CACNA1E: variants seen among roughly 807,000 people sequenced by gnomAD.
The protein encoded by CACNA1E is voltage-dependent R-type calcium channel subunit alpha-1E.
In CACNA1E, 40 loss-of-function variants were observed where a neutral mutation model predicts 259.2. The ratio of observed to expected loss-of-function variants is 0.15; its 90% CI spans 0.12 to 0.20. The LOEUF is 0.20. Among genes scored for constraint, CACNA1E ranks in the 10% least tolerant of loss-of-function variants. The pLI is 1.00. For synonymous variants in CACNA1E, 1,104 were observed against 1,138.5 expected (o/e 0.97, Z 0.61); for missense variants, 1,874 against 3,040.1 (o/e 0.62, Z 9.02).
At chr1:181,387,191 G>A (rs1191594094) in intron 1 of CACNA1E, among the ~76,000 whole-genome samples, 2 of 152,112 alleles carry the variant, frequency 1.3e-5, no homozygotes, top group African/African-American at 2.4e-5. Context: ...TTTCTGTGCT[G>A]TGAGTGGGGT....
At chr1:181,566,459 C>G (rs558258356) in intron 3 of CACNA1E, among the ~76,000 whole-genome samples, 1 of 152,310 alleles carries the variant, frequency 6.6e-6, no homozygotes, top group East Asian at 1.9e-4. Context: ...CTAGCTGTGT[C>G]TGAGTGAATA....
intron 25 of CACNA1E, among the ~76,000 whole-genome samples, chr1:181,743,598 T>G (rs1465772583): frequency 1.3e-5 from 2 of 152,154 alleles, no homozygotes; most frequent in Non-Finnish European, 1.5e-5. Context: ...GTGTTTCATG[T>G]CTAGTGAAGT....
At chr1:181,464,009 A>G (rs969971941) in intron 2 of CACNA1E, among the ~76,000 whole-genome samples, 1 of 151,888 alleles carries the variant, frequency 6.6e-6, no homozygotes, top group African/African-American at 2.4e-5. Context: ...AATTTTATCT[A>G]TTTTTTCTCT....
chr1:181,688,731 T>G (rs1030640734), intron 7 of CACNA1E, among the ~76,000 whole-genome samples: 1 of 152,318 alleles, frequency 6.6e-6, no homozygotes, highest in Non-Finnish European at 1.5e-5. Flanking sequence ...CCATGCTATA[T>G]AATAGACCTC....
At chr1:181,693,918 GT>G (rs1651450559) in intron 7 of CACNA1E, among the ~76,000 whole-genome samples, 1 of 152,136 alleles carries the variant, frequency 6.6e-6, no homozygotes, top group Non-Finnish European at 1.5e-5. Context: ...AGGCCACATT[GT>G]TTTACCAGTC....
chr1:181,747,337 A>G (rs975475458), intron 25 of CACNA1E, among the ~76,000 whole-genome samples: 17 of 152,388 alleles, frequency 1.1e-4, no homozygotes, highest in Admixed American at 4.6e-4. Flanking sequence ...TGGGAGGTGA[A>G]GAGCGGGATT....
intron 3 of CACNA1E, among the ~76,000 whole-genome samples, chr1:181,539,852 T>C (rs1668450211): frequency 1.3e-5 from 2 of 152,218 alleles, no homozygotes; most frequent in South Asian, 4.1e-4. Flanking sequence ...AGTGGCCACA[T>C]GTAAAAGTGG....
chr1:181,661,636 G>T (rs1450220646), intron 7 of CACNA1E, among the ~76,000 whole-genome samples: 2 of 152,204 alleles, frequency 1.3e-5, no homozygotes, highest in South Asian at 2.1e-4. Flanking sequence ...CACAGGAGTA[G>T]AGTAGGGTTT....
intron 1 of CACNA1E, among the ~76,000 whole-genome samples, chr1:181,320,937 C>T (rs2102558031): frequency 6.6e-6 from 1 of 152,246 alleles, no homozygotes; most frequent in South Asian, 2.1e-4. Context: ...TATGGCTCTG[C>T]AGGCTGTACA....
At chr1:181,461,669 T>C (rs1487710697) in intron 2 of CACNA1E, among the ~76,000 whole-genome samples, 1 of 152,180 alleles carries the variant, frequency 6.6e-6, no homozygotes, top group African/African-American at 2.4e-5. Flanking sequence ...TGCTGTCTTC[T>C]TCACTTGCTC....
chr1:181,490,543 G>GGTTT (rs1553260168), intron 1 of CACNA1E, among the ~76,000 whole-genome samples: 1 of 125,316 alleles, frequency 8.0e-6, no homozygotes, highest in African/African-American at 3.1e-5. Flanking sequence ...TGCCAAGCAT[G>GGTTT]TTTTTTTTTT....
At chr1:181,596,942 G>T (rs1277432737) in intron 6 of CACNA1E, among the ~76,000 whole-genome samples, 1 of 152,080 alleles carries the variant, frequency 6.6e-6, no homozygotes, top group Non-Finnish European at 1.5e-5. Flanking sequence ...AGATGCTCAG[G>T]AGGAGCAGAA....
At chr1:181,616,345 GT>G (rs67785829) in intron 6 of CACNA1E, among the ~76,000 whole-genome samples, 2 of 151,400 alleles carry the variant, frequency 1.3e-5, no homozygotes, top group African/African-American at 4.9e-5. Context: ...GTTTTGTTTT[GT>G]TTTTTTTGTT....
chr1:181,616,361 A>G (rs77395467), intron 6 of CACNA1E, among the ~76,000 whole-genome samples: 4 of 149,678 alleles, frequency 2.7e-5, no homozygotes, highest in Non-Finnish European at 5.9e-5. Flanking sequence ...TTTGTTTTTT[A>G]TTGTGGTTTC....
At chr1:181,547,525 C>T (rs4652665) in intron 3 of CACNA1E, among the ~76,000 whole-genome samples, 2,206 of 152,294 alleles carry the variant, frequency 0.014, 68 homozygotes, top group East Asian at 0.14. Flanking sequence ...CCAGAGTCCC[C>T]GCAAGGGGCA....
chr1:181,318,917 A>G (rs1650135152), intron 1 of CACNA1E, among the ~76,000 whole-genome samples: 1 of 152,086 alleles, frequency 6.6e-6, no homozygotes, highest in South Asian at 2.1e-4. Context: ...CTTGTGCGAG[A>G]GTGGTTGTGC....
At chr1:181,536,582 G>A (rs1024330586) in intron 3 of CACNA1E, among the ~76,000 whole-genome samples, 2 of 152,034 alleles carry the variant, frequency 1.3e-5, no homozygotes, top group Non-Finnish European at 2.9e-5. Context: ...CTCTCTCTCC[G>A]TGGTATTGAA....
At chr1:181,379,204 G>A (rs1172732197) in intron 1 of CACNA1E, among the ~76,000 whole-genome samples, 1 of 152,126 alleles carries the variant, frequency 6.6e-6, no homozygotes, top group Non-Finnish European at 1.5e-5. Flanking sequence ...AAAGAACAGA[G>A]CATTAGTAAG....
At chr1:181,724,669 G>T (rs1047661811) in intron 17 of CACNA1E, 132 bp downstream of exon 17, 5 of 692,148 alleles carry the variant, frequency 7.2e-6, no homozygotes, top group Non-Finnish European at 1.2e-5. Flanking sequence ...GAAACTTCTG[G>T]ACAGTTGGAG....
Sources: allele counts gnomAD v4.1 joint callset (sites outside exome capture counted in the v4.1 genomes callset), GRCh38; gene constraint gnomAD v4.1.1; transcripts MANE v1.5; gene names NCBI Gene and HGNC (gene_info 2026-07-23, HGNC 2026-07-21).